The following VAPB variants were observed in gnomAD, a reference collection of about 807,000 sequenced individuals.
VAPB encodes vesicle-associated membrane protein-associated protein B/C.
VAPB carries 7 observed loss-of-function variants against 25.6 expected under a neutral mutation model. The observed-to-expected ratio is 0.27, with a 90% CI of 0.16 to 0.51. VAPB has a LOEUF of 0.51. VAPB is among the 20% of genes least tolerant of loss of function. VAPB has a pLI of 0.97. For synonymous variants in VAPB, 112 were observed against 109.2 expected, an observed-to-expected ratio of 1.03 and a Z score of -0.16; for missense variants, 266 against 301.3, an observed-to-expected ratio of 0.88 and a Z score of 0.87.
At position 58,448,409 on chromosome 20, in the gene VAPB, C is replaced by G. The variant is rs1398805338; in HGVS notation, c.*4174C>G. ...AAGTTACTGTTGTTTCAATGCCACT[C>G]CTTACCTGTATAGAACATTTCCAAT... On this transcript the variant is annotated 3_prime_UTR_variant, in exon 6 of 6. Transcript: ENST00000475243. 2.2e-6 allele frequency: 1 copy of G among 453,952 alleles called. No individual in the cohort carries two copies. Among genetic ancestry groups the G allele is most frequent in the African/African-American group, 2.0e-5 (1 of 49,982 alleles). 28.1% of individuals were successfully genotyped at this position (453,952 alleles called of 1,614,324 possible).
At chr20:58,415,667 CAG>C (rs1419384722) in intron 1 of VAPB, among the ~76,000 whole-genome samples, 1 of 152,004 alleles carries the variant, frequency 6.6e-6, no homozygotes, top group East Asian at 1.9e-4. Flanking sequence ...ACTTTATAAG[CAG>C]TGTTTAAATT....
At chr20:58,402,035 C>T (rs1003288731) in intron 1 of VAPB, among the ~76,000 whole-genome samples, 5 of 152,190 alleles carry the variant, frequency 3.3e-5, no homozygotes, top group Admixed American at 1.3e-4. Context: ...TCTTTCTTTC[C>T]ACCCTGATGT....
intron 4 of VAPB, 23 bp downstream of exon 4, chr20:58,439,048 A>G (rs1387481383): frequency 9.4e-6 from 15 of 1,591,894 alleles, no homozygotes; most frequent in Non-Finnish European, 1.3e-5. Context: ...ATAGTTAACA[A>G]TAATTGAATG....
At chr20:58,443,357 A>G (rs1048773895) in intron 5 of VAPB, among the ~76,000 whole-genome samples, 1 of 150,426 alleles carries the variant, frequency 6.6e-6, no homozygotes, top group Non-Finnish European at 1.5e-5. Flanking sequence ...AGCTATCTAC[A>G]GAGCTCTGCA....
At chr20:58,403,220 A>G (rs1988142616) in intron 1 of VAPB, among the ~76,000 whole-genome samples, 1 of 152,082 alleles carries the variant, frequency 6.6e-6, no homozygotes, top group Non-Finnish European at 1.5e-5. Context: ...CTCCTCTTCT[A>G]TTTCAGAGAG....
chr20:58,437,758 T>C (rs1250074010), intron 3 of VAPB, among the ~76,000 whole-genome samples: 1 of 152,238 alleles, frequency 6.6e-6, no homozygotes, highest in Non-Finnish European at 1.5e-5. Flanking sequence ...AACTGAGTGC[T>C]CTTCAGCATC....
At chr20:58,435,240 G>T (rs1989016369) in intron 3 of VAPB, among the ~76,000 whole-genome samples, 1 of 151,488 alleles carries the variant, frequency 6.6e-6, no homozygotes, top group Non-Finnish European at 1.5e-5. Context: ...AAATTAAGAT[G>T]ACTTCATTTT....
chr20:58,413,889 T>A (rs1988450167), intron 1 of VAPB, among the ~76,000 whole-genome samples: 1 of 116,148 alleles, frequency 8.6e-6, no homozygotes, highest in East Asian at 2.9e-4. Context: ...CACTTCCCAG[T>A]AGGGGCGGCC....
intron 1 of VAPB, among the ~76,000 whole-genome samples, chr20:58,413,796 C>T (rs1342628714): frequency 1.3e-4 from 19 of 148,780 alleles, no homozygotes; most frequent in African/African-American, 3.5e-4. Context: ...ACCTCCCTCC[C>T]GGACGGGGCA....
rs761438209 is a variant in VAPB, at chr20:58,449,164, C to A, written c.*4929C>A. The A allele has an allele frequency of 2.2e-6, 1 of 454,120 alleles. No homozygotes were observed. The highest frequency in any genetic ancestry group is 4.4e-6 in the Non-Finnish European group (1 of 226,794). The allele number at this position is 454,120 out of a possible 1,614,324, so 28.1% of individuals were successfully genotyped here. On this transcript the variant is annotated 3_prime_UTR_variant, in exon 6 of 6. Transcript: ENST00000475243. ...TGGGTCTGCCCCCAGCTTCACAGAC[C>A]TCTTCCTCCAGCCTCTGAATCCCAT...
chr20:58,449,664 A>G lies in VAPB; in HGVS notation c.*5429A>G. On this transcript the variant is annotated 3_prime_UTR_variant, in exon 6 of 6. Transcript: ENST00000475243. ...GGAGAATCGCTTTCTGCTGCTAGATAAATGCTGATGTTTATTTTTAAACCA... is the reference window on the plus strand; with the variant it reads ...GGAGAATCGCTTTCTGCTGCTAGATGAATGCTGATGTTTATTTTTAAACCA... 2.2e-6 allele frequency: 1 copy of G among 454,132 alleles called. No homozygotes were observed. The highest frequency in any genetic ancestry group is 4.4e-6 in the Non-Finnish European group (1 of 226,784). 28.1% of individuals were successfully genotyped at this position (454,132 alleles called of 1,614,324 possible).
chr20:58,421,581 A>G (rs1266058343), intron 2 of VAPB, among the ~76,000 whole-genome samples: 1 of 152,202 alleles, frequency 6.6e-6, no homozygotes, highest in African/African-American at 2.4e-5. Flanking sequence ...AAGTGTCACT[A>G]CATACCTGAG....
intron 1 of VAPB, among the ~76,000 whole-genome samples, chr20:58,401,805 T>G (rs1048429652): frequency 6.6e-6 from 1 of 152,220 alleles, no homozygotes; most frequent in Non-Finnish European, 1.5e-5. Flanking sequence ...ATACGTTAAA[T>G]GCAGCATGAC....
At chr20:58,415,389 A>G (rs1342485642) in intron 1 of VAPB, among the ~76,000 whole-genome samples, 2 of 152,200 alleles carry the variant, frequency 1.3e-5, no homozygotes, top group African/African-American at 4.8e-5. Context: ...CATAAAGGGC[A>G]TTGTTTACAT....
intron 1 of VAPB, among the ~76,000 whole-genome samples, chr20:58,396,242 T>G (rs1208995639): frequency 6.6e-6 from 1 of 152,232 alleles, no homozygotes; most frequent in East Asian, 1.9e-4. Flanking sequence ...TTTTCACCTG[T>G]GTCAAGTGAT....
intron 1 of VAPB, among the ~76,000 whole-genome samples, chr20:58,417,075 T>G (rs1164082167): frequency 1.3e-5 from 2 of 152,220 alleles, no homozygotes; most frequent in Non-Finnish European, 2.9e-5. Context: ...TCCTGTTTCC[T>G]TGCAAATGCA....
At position 58,444,196 on chromosome 20, in the gene VAPB, C is replaced by T; in HGVS notation, c.693C>T (p.Phe231=). The T allele has an allele frequency of 1.2e-6, 2 of 1,614,184 alleles. No individual in the cohort carries two copies. The highest frequency in any genetic ancestry group is 1.7e-6 in the Non-Finnish European group (2 of 1,180,044). Residue 231 remains phenylalanine, a synonymous_variant, in exon 6 of 6, where the codon TTC becomes TTT. Transcript: ENST00000475243. The stretch of plus-strand genomic sequence containing the variant: ...GGCTCTTGGCTCTGGTGGTTTTGTT[C>T]TTTATCGTTGGTGTAATTATTGGGA... ...STRLLALVVL[F]FIVGVIIGKI...
At chr20:58,442,232 A>G (rs1989177780) in intron 5 of VAPB, among the ~76,000 whole-genome samples, 1 of 152,224 alleles carries the variant, frequency 6.6e-6, no homozygotes, top group Admixed American at 6.5e-5. Flanking sequence ...GGGAAATGGC[A>G]TCATCTTCTT....
Position 58,415,518 on chromosome 20 carries a change from C to T in VAPB, c.59-2693C>T, listed in dbSNP as rs181387415. Among the ~76,000 whole-genome samples, 17 of 152,256 alleles carry T rather than the reference C, an allele frequency of 1.1e-4. No individual in the cohort carries two copies. In the East Asian group the frequency reaches 2.9e-3, roughly 26 times the overall value. ...GCTTAGTTCCTGGTTTTGTTACAGA[C>T]ATTATCTGAAATAAGGAATAGAAGA... On this transcript the variant is annotated intron_variant, in intron 1 of 5. Coordinates refer to ENST00000475243, the MANE Select transcript of VAPB (RefSeq NM_004738.5).
Sources: allele counts gnomAD v4.1 joint callset (sites outside exome capture counted in the v4.1 genomes callset), GRCh38; gene constraint gnomAD v4.1.1; transcripts MANE v1.5; gene names NCBI Gene and HGNC (gene_info 2026-07-23, HGNC 2026-07-21).